ADAMTSL1: variants seen among roughly 807,000 people sequenced by gnomAD.
ADAMTSL1 encodes ADAMTS-like protein 1.
ADAMTSL1 carries 126 observed loss-of-function variants against 201.8 expected under a neutral mutation model. The observed-to-expected ratio is 0.62, with a 90% CI of 0.54 to 0.72. The LOEUF is 0.72. ADAMTSL1 is among the 30% of genes least tolerant of loss of function. The pLI, the probability that ADAMTSL1 is intolerant of heterozygous loss-of-function variation, is 0.00. For missense variants in ADAMTSL1, 2,679 were observed against 2,277.8 expected, an observed-to-expected ratio of 1.18 and a Z score of -3.59; for synonymous variants, 1,121 against 903.4, an observed-to-expected ratio of 1.24 and a Z score of -4.32.
At chr9:18,126,251 G>A (rs960035570) in intron 1 of ADAMTSL1, among the ~76,000 whole-genome samples, 9 of 152,204 alleles carry the variant, frequency 5.9e-5, no homozygotes, top group South Asian at 2.1e-4. Flanking sequence ...TCATAACACC[G>A]TGAACATGTT....
At chr9:18,866,773 T>A (rs1377005389) in intron 23 of ADAMTSL1, among the ~76,000 whole-genome samples, 1 of 152,212 alleles carries the variant, frequency 6.6e-6, no homozygotes, top group Non-Finnish European at 1.5e-5. Flanking sequence ...CAGAAGTATA[T>A]TCCAATTTCA....
intron 19 of ADAMTSL1, 47 bp from the exon 20 acceptor site, chr9:18,795,350 G>A (rs1563807592): frequency 1.2e-6 from 2 of 1,608,588 alleles, no homozygotes; most frequent in African/African-American, 2.7e-5. Flanking sequence ...TGCCAAAAAG[G>A]AGTCAACTGA....
At chr9:18,087,109 G>A (rs1823800825) in intron 1 of ADAMTSL1, among the ~76,000 whole-genome samples, 1 of 152,090 alleles carries the variant, frequency 6.6e-6, no homozygotes. Context: ...TAGCTACTGT[G>A]TTGTATTAAC....
In ADAMTSL1 at chr9:18,049,735, C is replaced by T. The variant is rs563717684; in HGVS notation, c.88-114127C>T. 1.3e-3 allele frequency among the ~76,000 whole-genome samples: 201 copies of T among 152,146 alleles called. 1 individual carries two copies. The highest frequency in any genetic ancestry group is 1.6e-3 in the Non-Finnish European group (110 of 67,990). On this transcript the variant is annotated intron_variant, in intron 1 of 29. Transcript: ENST00000680146. ...GCCTCCCGGGTTCACGCCATTCTCC[C>T]GCCTCAGCCTCCCAAGTAGCTGGGA...
chr9:18,098,344 A>G (rs1216859206), intron 1 of ADAMTSL1, among the ~76,000 whole-genome samples: 1 of 152,136 alleles, frequency 6.6e-6, no homozygotes, highest in Non-Finnish European at 1.5e-5. Context: ...TAAAAAGGAA[A>G]TTTTAACAAT....
At chr9:18,316,954 A>G (rs988082218) in intron 2 of ADAMTSL1, among the ~76,000 whole-genome samples, 4 of 152,192 alleles carry the variant, frequency 2.6e-5, no homozygotes, top group Admixed American at 1.3e-4. Context: ...GTTATTCACA[A>G]TAGCCAAGAT....
chr9:18,407,734 G>T (rs1042397722), intron 2 of ADAMTSL1, among the ~76,000 whole-genome samples: 4 of 152,184 alleles, frequency 2.6e-5, no homozygotes, highest in Non-Finnish European at 5.9e-5. Context: ...ATGTTTTGAG[G>T]TGTGTATAGG....
chr9:18,753,522 T>C lies in ADAMTSL1; in HGVS notation c.2217+14T>C. ...CAGTGGCAGCCGGTGAGTTCTGAAG[T>C]TACTCAATATTGGAGCTTTTGTTTG... On this transcript the variant is annotated intron_variant, in intron 16 of 28. Coordinates refer to ENST00000380548, the MANE Select transcript of ADAMTSL1 (RefSeq NM_001040272.6). The C allele has an allele frequency of 6.2e-7, 1 of 1,602,254 alleles. No individual in the cohort carries two copies. Among genetic ancestry groups the C allele is most frequent in the East Asian group, 2.3e-5 (1 of 44,422 alleles).
chr9:18,132,281 T>C (rs112706297), intron 1 of ADAMTSL1, among the ~76,000 whole-genome samples: 4 of 152,270 alleles, frequency 2.6e-5, no homozygotes, highest in African/African-American at 9.6e-5. Flanking sequence ...ATGCCATATT[T>C]TAATTTTGAA....
chr9:18,440,458 A>G (rs1819947719), intron 2 of ADAMTSL1, among the ~76,000 whole-genome samples: 2 of 151,954 alleles, frequency 1.3e-5, no homozygotes, highest in South Asian at 4.1e-4. Context: ...TGCTCATTCA[A>G]TAAGCACAAG....
intron 2 of ADAMTSL1, among the ~76,000 whole-genome samples, chr9:18,429,253 T>C (rs964050989): frequency 1.3e-5 from 2 of 152,220 alleles, no homozygotes; most frequent in Non-Finnish European, 2.9e-5. Flanking sequence ...TCATAACCTC[T>C]TAGTCAATCT....
intron 2 of ADAMTSL1, among the ~76,000 whole-genome samples, chr9:18,417,736 T>A (rs1681424072): frequency 6.6e-6 from 1 of 152,106 alleles, no homozygotes; most frequent in African/African-American, 2.4e-5. Context: ...GTAGTTAAAG[T>A]TTTGTCAAAA....
chr9:18,147,802 T>A (rs1826713849), intron 1 of ADAMTSL1, among the ~76,000 whole-genome samples: 1 of 152,110 alleles, frequency 6.6e-6, no homozygotes, highest in Admixed American at 6.6e-5. Flanking sequence ...AAAATGAACA[T>A]AGGTGGTTTA....
chr9:18,628,140 GC>G (rs1826514175), intron 5 of ADAMTSL1, among the ~76,000 whole-genome samples: 1 of 152,074 alleles, frequency 6.6e-6, no homozygotes, highest in Non-Finnish European at 1.5e-5. Context: ...TACGGCTCAT[GC>G]TTTTAATGTC....
chr9:18,347,107 T>C (rs1163930033), intron 2 of ADAMTSL1, among the ~76,000 whole-genome samples: 1 of 152,166 alleles, frequency 6.6e-6, no homozygotes, highest in African/African-American at 2.4e-5. Flanking sequence ...GAAAGAGAAA[T>C]GTGCCTTAAT....
chr9:18,826,532 C>A lies in ADAMTSL1; in HGVS notation c.4114+69C>A. 16 of 1,522,494 alleles carry A rather than the reference C, an allele frequency of 1.1e-5. 1 individual carries two copies. In the South Asian group the frequency reaches 1.9e-4, roughly 18 times the overall value. The allele number at this position is 1,522,494 out of a possible 1,614,324, so 94.3% of individuals were successfully genotyped here. A position where few individuals can be genotyped will look rare whatever the true frequency, so the allele number is the denominator to read the frequency against. On this transcript the variant is annotated intron_variant, in intron 22 of 28. Transcript: ENST00000380548. ...AGTGACTATCTAACCCACCCTCTACCTCCTTTGTGCCCTAATCCAATTAAG... is the reference window on the plus strand; with the variant it reads ...AGTGACTATCTAACCCACCCTCTACATCCTTTGTGCCCTAATCCAATTAAG...
At chr9:18,871,667 C>G (rs1223894831) in intron 23 of ADAMTSL1, among the ~76,000 whole-genome samples, 1 of 152,124 alleles carries the variant, frequency 6.6e-6, no homozygotes, top group Non-Finnish European at 1.5e-5. Flanking sequence ...TAAGGAAGAG[C>G]TTCTCTTACT....
Position 18,106,051 on chromosome 9 carries a change from C to G in ADAMTSL1, c.88-57811C>G, listed in dbSNP as rs143531430. On this transcript the variant is annotated intron_variant, in intron 1 of 29. Transcript: ENST00000680146. ...GAATTCCTAGAGTGACTCTCATCAC[C>G]TCCTTTCGTCCCTGGGAGCTTCTTG... 3.3e-5 allele frequency among the ~76,000 whole-genome samples: 5 copies of G among 152,304 alleles called. No individual in the cohort carries two copies. The East Asian group carries it at 9.7e-4, about 29-fold the overall frequency.
At chr9:18,596,054 G>C (rs2132508149) in intron 4 of ADAMTSL1, among the ~76,000 whole-genome samples, 1 of 152,284 alleles carries the variant, frequency 6.6e-6, no homozygotes, top group East Asian at 1.9e-4. Context: ...CTATCTTGGT[G>C]ACATCATCCC....
Sources: gnomAD v4.1 joint callset for allele counts (sites outside exome capture counted in the v4.1 genomes callset) on GRCh38, gnomAD v4.1.1 for gene constraint, MANE v1.5 for transcripts, NCBI Gene and HGNC (gene_info 2026-07-23, HGNC 2026-07-21) for gene names.